The following PPME1 variants were observed in gnomAD, a reference collection of about 807,000 sequenced individuals.
The protein encoded by PPME1 is testicular secretory protein Li 39.
In PPME1, 17 loss-of-function variants were observed where a neutral mutation model predicts 56.9. The ratio of observed to expected loss-of-function variants is 0.30; its 90% confidence interval spans 0.20 to 0.45. The LOEUF is 0.45. Among genes scored for constraint, PPME1 ranks in the 20% least tolerant of loss-of-function variants. The probability of loss-of-function intolerance (pLI) is 1.00; values close to 1 mark genes in which losing one functional copy is unlikely to be tolerated. For synonymous variants in PPME1, 122 were observed against 156.2 expected, an observed-to-expected ratio of 0.78 and a Z score of 1.63; for missense variants, 357 against 483.2, an observed-to-expected ratio of 0.74 and a Z score of 2.45.
intron 1 of PPME1, among the ~76,000 whole-genome samples, chr11:74,191,606 C>T (rs976823539): frequency 5.9e-5 from 9 of 152,204 alleles, no homozygotes; most frequent in Non-Finnish European, 1.0e-4. Flanking sequence ...TTTCAGGGCC[C>T]AAGCCCAGGG....
In PPME1 at chr11:74,188,038, A is replaced by G. The variant is rs930764829; in HGVS notation, c.102-15690A>G. ...AGGAAGAACCTGTAAGCCAAGAAAT[A>G]CAGGCTGCCTCCAGAAGCTGGAAAT... is the stretch of plus-strand genomic sequence containing the variant. On this transcript the variant is annotated intron_variant, in intron 1 of 13. Transcript: ENST00000328257. Among the ~76,000 whole-genome samples the G allele has an allele frequency of 8.5e-5, 13 of 152,288 alleles. No homozygotes were observed. In the East Asian group the frequency reaches 1.9e-3, roughly 23 times the overall value.
At chr11:74,250,741 T>C (rs2135684175) in intron 11 of PPME1, 1 of 556,512 alleles carries the variant, frequency 1.8e-6, no homozygotes, top group East Asian at 2.9e-5. Context: ...GTACACTAAA[T>C]AGGACAGAAG....
At position 74,218,943 on chromosome 11, in the gene PPME1, A is replaced by T. The variant is rs190879629; in HGVS notation, c.289-3369A>T. ...CAGCAAAGGAAACAACAAAGTGAAG[A>T]AACAACCCACAGAATGGGAGAAAAT... On this transcript the variant is annotated intron_variant, in intron 3 of 13. Transcript: ENST00000328257. 3.9e-3 allele frequency among the ~76,000 whole-genome samples: 588 copies of T among 152,302 alleles called. 3 individuals are homozygous for T. Among genetic ancestry groups the T allele is most frequent in the Middle Eastern group, 0.034 (10 of 294 alleles).
At chr11:74,181,689 T>C (rs1260828587) in intron 1 of PPME1, among the ~76,000 whole-genome samples, 1 of 152,224 alleles carries the variant, frequency 6.6e-6, no homozygotes, top group Non-Finnish European at 1.5e-5. Context: ...GTTCTGAGGC[T>C]TTTTCTGATC....
Position 74,210,359 on chromosome 11 carries a change from A to G in PPME1, c.288+5914A>G, listed in dbSNP as rs75732333. Among the ~76,000 whole-genome samples the G allele has an allele frequency of 6.2e-4, 94 of 152,334 alleles. No individual in the cohort carries two copies. In the East Asian group the frequency reaches 0.015, roughly 24 times the overall value. On this transcript the variant is annotated intron_variant, in intron 3 of 13. Coordinates refer to ENST00000328257, the MANE Select transcript of PPME1 (RefSeq NM_016147.3). ...ATAAAATTCATACAGAAACTAGAAA[A>G]TTGCATGAATATCATACTTAGTGGT... is the stretch of plus-strand genomic sequence containing the variant.
rs1255448294 is a variant in PPME1 at position 74,251,658 on chromosome 11, C to G, written c.1085C>G (p.Ala362Gly). The stretch of plus-strand genomic sequence containing the variant: ...CTCTCCCATTTCCAGGTAGCTGAAG[C>G]TGTTGCCACTTTCCTGATCCGGCAC... ...HEDAPDKVAE[A>G]VATFLIRHRF... is the part of the protein sequence containing the mutation. The change falls in exon 13 of 14, where the codon GCT becomes GGT. Residue 362 changes from alanine to glycine, a missense_variant. Coordinates refer to ENST00000328257, the MANE Select transcript of PPME1 (RefSeq NM_016147.3). 2 of 1,613,570 alleles carry G rather than the reference C, an allele frequency of 1.2e-6. No individual in the cohort carries two copies. The highest frequency in any genetic ancestry group is 2.2e-5 in the East Asian group (1 of 44,896).
At chr11:74,180,456 G>C (rs7110062) in intron 1 of PPME1, among the ~76,000 whole-genome samples, 19,935 of 152,116 alleles carry the variant, frequency 0.13, 3,574 homozygotes, top group African/African-American at 0.41. Flanking sequence ...GTTCCCTTAA[G>C]ATGGTATAAC....
At chr11:74,192,509 GAGA>G (rs1857865881) in intron 1 of PPME1, among the ~76,000 whole-genome samples, 2 of 152,220 alleles carry the variant, frequency 1.3e-5, no homozygotes, top group Admixed American at 1.3e-4. Context: ...TTTGCAATGT[GAGA>G]AGGAGATGAA....
chr11:74,182,902 AT>A (rs1297932211), intron 1 of PPME1, among the ~76,000 whole-genome samples: 1 of 151,874 alleles, frequency 6.6e-6, no homozygotes, highest in Non-Finnish European at 1.5e-5. Flanking sequence ...CATGCCTGTA[AT>A]CCCAACACTT....
intron 5 of PPME1, among the ~76,000 whole-genome samples, chr11:74,226,824 CAG>C (rs1420353140): frequency 6.6e-6 from 1 of 152,014 alleles, no homozygotes; most frequent in Admixed American, 6.6e-5. Flanking sequence ...TTCACTATAA[CAG>C]GGGATTGGAA....
chr11:74,221,919 C>T (rs1858810455), intron 3 of PPME1, among the ~76,000 whole-genome samples: 1 of 152,052 alleles, frequency 6.6e-6, no homozygotes, highest in South Asian at 2.1e-4. Context: ...ATGTCCTGAG[C>T]CAAGATATAA....
At position 74,217,945 on chromosome 11, in the gene PPME1, A is replaced by G. The variant is rs1402905537; in HGVS notation, c.289-4367A>G. On this transcript the variant is annotated intron_variant, in intron 3 of 13. Coordinates refer to ENST00000328257, the MANE Select transcript of PPME1 (RefSeq NM_016147.3). ...GAAGTCTTAGCTAGAGCAATCAGAC[A>G]AGAGAAAGAAAGGGCATCCAAATTG... Among the ~76,000 whole-genome samples the G allele has an allele frequency of 2.0e-5, 3 of 152,160 alleles. No homozygotes were observed. The East Asian group carries it at 5.8e-4, about 29-fold the overall frequency.
Position 74,171,438 on chromosome 11 carries a change from A to G in PPME1, c.17A>G (p.Lys6Arg). The G allele has an allele frequency of 6.2e-7, 1 of 1,612,764 alleles. No individual in the cohort carries two copies. Among genetic ancestry groups the G allele is most frequent in the Non-Finnish European group, 8.5e-7 (1 of 1,179,522 alleles). Residue 6 changes from lysine (K) to arginine (R), a missense_variant, in exon 1 of 14, where the codon AAG becomes AGG. By Grantham distance (26) the Lys-to-Arg change is conservative (BLOSUM62 2). Transcript: ENST00000328257. MSALE[K>R]SMHLGRLPSR... ...CTCCCCTCGATGTCGGCCCTCGAAA[A>G]GAGCATGCACCTCGGCCGCCTTCCC...
At chr11:74,200,422 C>T (rs941533902) in intron 1 of PPME1, among the ~76,000 whole-genome samples, 1 of 151,820 alleles carries the variant, frequency 6.6e-6, no homozygotes, top group Admixed American at 6.6e-5. Flanking sequence ...CGCTCTGTCA[C>T]CCAGGCTGGA....
rs12421960 is a variant in PPME1, at chr11:74,202,934, C to T, written c.102-794C>T. Among the ~76,000 whole-genome samples, 435 of 152,046 alleles carry T rather than the reference C, an allele frequency of 2.9e-3. 12 individuals are homozygous for T. Among genetic ancestry groups the T allele is most frequent in the Admixed American group, 0.027 (409 of 15,280 alleles). ...TCACAATTTTACCCAAGTGATAGCA[C>T]GCATATCGTGTTCATCTTGGAGTTA... On this transcript the variant is annotated intron_variant, in intron 1 of 13. Transcript: ENST00000328257.
chr11:74,239,070 A>C (rs1048491178), intron 8 of PPME1, 63 bp from the exon 9 acceptor site: 7 of 1,477,794 alleles, frequency 4.7e-6, no homozygotes, highest in African/African-American at 1.4e-5. Flanking sequence ...AAGTATGAGT[A>C]TCTCTGAGAT....
chr11:74,241,466 G>C (rs542552494), intron 9 of PPME1, among the ~76,000 whole-genome samples: 4 of 152,180 alleles, frequency 2.6e-5, no homozygotes, highest in Admixed American at 2.0e-4. Context: ...GCAACTTTTT[G>C]TGTGGATATA....
chr11:74,191,417 T>C (rs1358923223), intron 1 of PPME1, among the ~76,000 whole-genome samples: 1 of 152,228 alleles, frequency 6.6e-6, no homozygotes, highest in Non-Finnish European at 1.5e-5. Context: ...CCTGGCCCTC[T>C]GGTAGAAGAG....
intron 3 of PPME1, among the ~76,000 whole-genome samples, chr11:74,208,313 G>GA (rs534209366): frequency 0.13 from 14,200 of 109,918 alleles, 1,819 homozygotes; most frequent in African/African-American, 0.35. Context: ...TCTGTCTCAA[G>GA]AAAAAAAAAA....
Sources: gnomAD v4.1 joint callset for allele counts (sites outside exome capture counted in the v4.1 genomes callset) on GRCh38, gnomAD v4.1.1 for gene constraint, MANE v1.5 for transcripts, NCBI Gene and HGNC (gene_info 2026-07-23, HGNC 2026-07-21) for gene names.